The following EEF1D variants were observed in gnomAD, a reference collection of about 807,000 sequenced individuals.
The protein encoded by EEF1D is elongation factor 1-delta.
Under a neutral mutation model 63.9 loss-of-function variants are expected in EEF1D, and 47 were observed. That is an observed-to-expected ratio of 0.74 (90% confidence interval 0.58 to 0.94). The LOEUF is 0.94. EEF1D is among the 40% of genes least tolerant of loss of function. EEF1D has a pLI of 0.00. For missense variants in EEF1D, 907 were observed against 899.0 expected (o/e 1.01, Z -0.11); for synonymous variants, 412 against 386.1 (o/e 1.07, Z -0.79).
chr8:143,590,784 G>A (rs567225829), intron 2 of EEF1D: 17 of 157,714 alleles, frequency 1.1e-4, no homozygotes, highest in Non-Finnish European at 1.8e-4. Context: ...GCAGGCGCCT[G>A]TAGTCCCAGC....
intron 5 of EEF1D, chr8:143,583,571 A>G (rs1825964300): frequency 6.6e-6 from 1 of 152,268 alleles, no homozygotes; most frequent in Non-Finnish European, 1.5e-5. Context: ...CCAGGGGTGC[A>G]AGCCAGTGGG....
Position 143,580,724 on chromosome 8 carries a change from C to T in EEF1D, c.1492G>A (p.Val498Ile), listed in dbSNP as rs202002927. The T allele has an allele frequency of 1.7e-5, 28 of 1,612,706 alleles. No individual in the cohort carries two copies. The Admixed American group carries it at 2.0e-4, about 12-fold the overall frequency. ...HRATAPQTQH[V>I]SPMRQVEPPA... is the part of the protein sequence containing the mutation. ...GGCTCCACTTGGCGCATGGGAGATA[C>T]GTGCTGCCACAGGGGAAGGGACAGG... The change falls in exon 8 of 10, where the codon GTA becomes ATA. Residue 498 changes from valine to isoleucine, a missense_variant. Transcript: ENST00000618139.
intron 5 of EEF1D, chr8:143,582,960 AC>A (rs1825846180): frequency 3.9e-5 from 6 of 152,350 alleles, no homozygotes; most frequent in Admixed American, 2.0e-4. Context: ...GAGCACTCCC[AC>A]CCCAAATCCA....
Position 143,586,307 on chromosome 8 carries a change from A to C in EEF1D, c.1216-17T>G. ...GCCGTTCTCCTGCAGACAGTGCAGA[A>C]AGAACCAGTCTTTTTTTTATTATTA... On this transcript the variant is annotated splice_polypyrimidine_tract_variant and intron_variant, in intron 4 of 9. Coordinates refer to ENST00000618139, the MANE Select transcript of EEF1D (RefSeq NM_001130053.5). 1 of 1,540,458 alleles carries C rather than the reference A, an allele frequency of 6.5e-7. No homozygotes were observed. Among genetic ancestry groups the C allele is most frequent in the South Asian group, 1.2e-5 (1 of 80,088 alleles).
intron 8 of EEF1D, 70 bp downstream of exon 8, chr8:143,580,436 A>C (rs1825216239): frequency 6.5e-7 from 1 of 1,547,508 alleles, no homozygotes; most frequent in African/African-American, 1.4e-5. Flanking sequence ...GGGGAGGGTC[A>C]CAGGCTGAGC....
At chr8:143,581,364 G>C in intron 5 of EEF1D, 36 bp from the exon 6 acceptor site, 1 of 1,580,646 alleles carries the variant, frequency 6.3e-7, no homozygotes, top group South Asian at 1.1e-5. Context: ...TCAGTGCCCA[G>C]CCTGCTCCTA....
In EEF1D at chr8:143,589,976, C is replaced by T; in HGVS notation, c.106G>A (p.Ala36Thr). ...RFYEHEATQA[A>T]ASAQQLPAEG... Reference sequence around the variant, plus strand: ...GCTGGCAGCTGCTGGGCGGAGGCGGCCGCCTGTGTGGCCTCGTGTTCGTAG... The same window carrying T: ...GCTGGCAGCTGCTGGGCGGAGGCGGTCGCCTGTGTGGCCTCGTGTTCGTAG... The change falls in exon 3 of 10, where the codon GCC (alanine) becomes ACC (threonine). Residue 36 changes from alanine to threonine, a missense_variant. Physicochemically the swap from Ala to Thr is moderately conservative, Grantham distance 58. Transcript: ENST00000618139. 6.3e-7 allele frequency: 1 copy of T among 1,599,198 alleles called. No individual in the cohort carries two copies. The highest frequency in any genetic ancestry group is 8.5e-7 in the Non-Finnish European group (1 of 1,179,532).
chr8:143,586,209 G>A lies in EEF1D; in HGVS notation c.1287+10C>T, dbSNP rs533479346. 2.4e-5 allele frequency: 39 copies of A among 1,607,604 alleles called. No homozygotes were observed. Among genetic ancestry groups the A allele is most frequent in the African/African-American group, 9.4e-5 (7 of 74,754 alleles). ...AGGAGCCCGCAGGTCCGTGGGCCGC[G>A]GGTACTCACTCCAGCCAGGGATTTC... On this transcript the variant is annotated intron_variant, in intron 5 of 9. Coordinates refer to ENST00000618139, the MANE Select transcript of EEF1D (RefSeq NM_001130053.5).
Position 143,581,035 on chromosome 8 carries a change from G to A in EEF1D, c.1488+19C>T. The A allele has an allele frequency of 6.2e-7, 1 of 1,609,144 alleles. No homozygotes were observed. The highest frequency in any genetic ancestry group is 8.5e-7 in the Non-Finnish European group (1 of 1,178,156). On this transcript the variant is annotated intron_variant, in intron 7 of 9. Coordinates refer to ENST00000618139, the MANE Select transcript of EEF1D (RefSeq NM_001130053.5). Reference sequence around the variant, plus strand: ...GCCACGTGGTCCCCTGCAGTGTCAGGCGTGGGGAGAGCATTCACCTGGGTC... The same window carrying A: ...GCCACGTGGTCCCCTGCAGTGTCAGACGTGGGGAGAGCATTCACCTGGGTC...
chr8:143,580,813 C>A, intron 7 of EEF1D, 86 bp from the exon 8 acceptor site: 2 of 1,473,998 alleles, frequency 1.4e-6, no homozygotes, highest in South Asian at 1.1e-5. Context: ...GCCCTCCTCC[C>A]TCCTTTGACT....
At position 143,589,566 on chromosome 8, in the gene EEF1D, C is replaced by A; in HGVS notation, c.516G>T (p.Gln172His). ...ACCACTCCACGAAGGCCCGCTCAGC[C>A]TGGTCGAAGGAGGACTTGTTGACCC... ...GIWVNKSSFDQAERAFVEWSQ... is the reference protein window; with the variant it reads ...GIWVNKSSFDHAERAFVEWSQ... Residue 172 changes from glutamine to histidine, a missense_variant, in exon 3 of 10, where the codon CAG becomes CAT. Transcript: ENST00000618139. The A allele has an allele frequency of 6.6e-7, 1 of 1,515,856 alleles. No individual in the cohort carries two copies. Among genetic ancestry groups the A allele is most frequent in the Non-Finnish European group, 8.8e-7 (1 of 1,132,114 alleles). 93.9% of individuals were successfully genotyped at this position (1,515,856 alleles called of 1,614,324 possible).
At position 143,589,792 on chromosome 8, in the gene EEF1D, C is replaced by G; in HGVS notation, c.290G>C (p.Gly97Ala). The G allele has an allele frequency of 6.3e-7, 1 of 1,581,004 alleles. No individual in the cohort carries two copies. Among genetic ancestry groups the G allele is most frequent in the Non-Finnish European group, 8.6e-7 (1 of 1,164,378 alleles). The change falls in exon 3 of 10, where the codon GGC (glycine) becomes GCC (alanine). Residue 97 changes from glycine to alanine, a missense_variant. Gly to Ala is a moderately conservative substitution (Grantham distance 60). Coordinates refer to ENST00000618139, the MANE Select transcript of EEF1D (RefSeq NM_001130053.5). The part of the protein sequence containing the change: ...KRKRSPKSGL[G>A]PADLALLGLS... ...GCCCAGGAGGGCCAGGTCCGCGGGG[C>G]CGAGCCCGCTCTTGGGGGAGCGCTT...
rs548705673 is a variant in EEF1D at position 143,587,254 on chromosome 8, TA to T, written c.1092-403del. On this transcript the variant is annotated intron_variant, in intron 3 of 9. Transcript: ENST00000618139. ...TTGGTTATGGGAAAAGTATTTCTCA[TA>T]AAAAAAAAAGATGTTAGTAATATGT... 428 of 152,414 alleles carry T rather than the reference TA, an allele frequency of 2.8e-3. 3 individuals are homozygous for T. Among genetic ancestry groups the T allele is most frequent in the African/African-American group, 8.2e-3 (335 of 40,886 alleles). 9.4% of individuals were successfully genotyped at this position (152,414 alleles called of 1,614,324 possible). A position where few individuals can be genotyped will look rare whatever the true frequency, so the allele number is the denominator to read the frequency against.
intron 5 of EEF1D, chr8:143,581,714 T>G (rs976640155): frequency 8.9e-6 from 2 of 224,280 alleles, no homozygotes; most frequent in East Asian, 2.1e-4. Context: ...GCACTGGAAA[T>G]GGGAGGCGGG....
At chr8:143,590,363 G>A (rs1827741708) in intron 2 of EEF1D, 1 of 631,292 alleles carries the variant, frequency 1.6e-6, no homozygotes, top group South Asian at 2.0e-5. Context: ...CCCAATACAT[G>A]AACAATATAT....
In EEF1D at chr8:143,586,846, T is replaced by A; in HGVS notation, c.1098A>T (p.Lys366Asn). ...LSVSSLRPNR[K>N]MATNFLAHEK... Reference sequence around the variant, plus strand: ...CATGTGCTAGGAAGTTTGTAGCCATTTTTCTGCTGGGAGGGGAAAGAGGCA... The same window carrying A: ...CATGTGCTAGGAAGTTTGTAGCCATATTTCTGCTGGGAGGGGAAAGAGGCA... The change falls in exon 4 of 10, where the codon AAA becomes AAT. Residue 366 changes from lysine to asparagine, a missense_variant. Transcript: ENST00000618139. 2 of 1,613,744 alleles carry A rather than the reference T, an allele frequency of 1.2e-6. No homozygotes were observed. Among genetic ancestry groups the A allele is most frequent in the South Asian group, 2.2e-5 (2 of 91,082 alleles).
At chr8:143,591,566 C>T (rs373484246) in intron 2 of EEF1D, among the ~76,000 whole-genome samples, 3 of 152,240 alleles carry the variant, frequency 2.0e-5, no homozygotes, top group African/African-American at 4.8e-5. Flanking sequence ...GCCTAACCAA[C>T]GCCTAGGAGC....
Position 143,597,404 on chromosome 8 carries a change from G to A in EEF1D, c.-71C>T, listed in dbSNP as rs1056814371. Reference sequence around the variant, plus strand: ...AGGAATCGGCGGACGCGGGAAGACTGATGAAAGGGAGGGCCGCCCGGGCCG... The same window carrying A: ...AGGAATCGGCGGACGCGGGAAGACTAATGAAAGGGAGGGCCGCCCGGGCCG... On this transcript the variant is annotated 5_prime_UTR_variant, in exon 1 of 10. Transcript: ENST00000618139. The A allele has an allele frequency of 6.6e-6, 1 of 152,106 alleles. No individual in the cohort carries two copies. Among genetic ancestry groups the A allele is most frequent in the Non-Finnish European group, 1.5e-5 (1 of 68,004 alleles). The allele number at this position is 152,106 out of a possible 1,614,324, so 9.4% of individuals were successfully genotyped here. A position where few individuals can be genotyped will look rare whatever the true frequency, so the allele number is the denominator to read the frequency against.
intron 2 of EEF1D, chr8:143,592,333 C>T (rs760867145): frequency 1.1e-5 from 11 of 958,084 alleles, no homozygotes; most frequent in African/African-American, 3.5e-5. Context: ...CAGAAGCCGC[C>T]GCTCAGGGAG....
Sources: allele counts gnomAD v4.1 joint callset (sites outside exome capture counted in the v4.1 genomes callset), GRCh38; gene constraint gnomAD v4.1.1; transcripts MANE v1.5; gene names NCBI Gene and HGNC (gene_info 2026-07-23, HGNC 2026-07-21).